The following PATE1 variants were observed in gnomAD, a reference collection of about 807,000 sequenced individuals.
The protein encoded by PATE1 is prostate and testis expressed 1.
Under a neutral mutation model 13.1 loss-of-function variants are expected in PATE1, and 21 were observed. The ratio of observed to expected loss-of-function variants is 1.61; its 90% CI spans 1.14 to 2.31. The LOEUF is 2.31. Among genes scored for constraint, PATE1 ranks in the 30% most tolerant of loss-of-function variants. PATE1 has a pLI of 0.00. For synonymous variants in PATE1, 52 were observed against 47.1 expected (o/e 1.10, Z -0.43); for missense variants, 166 against 147.2 (o/e 1.13, Z -0.66).
chr11:125,748,848 T>C lies in PATE1; in HGVS notation c.*115T>C, dbSNP rs1243486473. The C allele has an allele frequency of 8.5e-6, 11 of 1,295,088 alleles. No homozygotes were observed. The African/African-American group carries it at 1.5e-4, about 18-fold the overall frequency. The allele number at this position is 1,295,088 out of a possible 1,614,324, so 80.2% of individuals were successfully genotyped here. On this transcript the variant is annotated 3_prime_UTR_variant, in exon 5 of 5. Transcript: ENST00000305738. The stretch of plus-strand genomic sequence containing the variant: ...CACACACACACACTACAGAAGAGGA[T>C]TGCAAACACATGGCTCCATCTTCTG...
intron 4 of PATE1, 80 bp from the exon 5 acceptor site, chr11:125,748,520 G>A (rs759141420): frequency 1.2e-5 from 17 of 1,475,786 alleles, no homozygotes; most frequent in Non-Finnish European, 1.3e-5. Flanking sequence ...ATTTCTATAT[G>A]TTGGTGTGGT....
Position 125,748,550 on chromosome 11 carries a change from C to A in PATE1, c.248-50C>A. 3 of 1,589,520 alleles carry A rather than the reference C, an allele frequency of 1.9e-6. 1 individual carries two copies. The highest frequency in any genetic ancestry group is 2.6e-6 in the Non-Finnish European group (3 of 1,170,222). ...TGTGGTCTGGAGAAAAGTTTTTTAGCAGAACTTTCATGGCCAGGCTTCCTG... is the reference window on the plus strand; with the variant it reads ...TGTGGTCTGGAGAAAAGTTTTTTAGAAGAACTTTCATGGCCAGGCTTCCTG... On this transcript the variant is annotated intron_variant, in intron 4 of 4. Coordinates refer to ENST00000305738, the MANE Select transcript of PATE1 (RefSeq NM_138294.3).
rs545824651 is a variant in PATE1, at chr11:125,746,281, A to C, written c.-24A>C. The C allele has an allele frequency of 6.2e-7, 1 of 1,612,822 alleles. No homozygotes were observed. Among genetic ancestry groups the C allele is most frequent in the African/African-American group, 1.3e-5 (1 of 75,020 alleles). On this transcript the variant is annotated 5_prime_UTR_variant, in exon 1 of 5. Coordinates refer to ENST00000305738, the MANE Select transcript of PATE1 (RefSeq NM_138294.3). ...AGGCACTCTCGAAGCTTCGTGCTGT[A>C]GCCTGGCCCTCCCTCTTTCCAAAAT... is the stretch of plus-strand genomic sequence containing the variant.
chr11:125,747,277 G>A, intron 2 of PATE1, 99 bp from the exon 3 acceptor site: 1 of 1,091,840 alleles, frequency 9.2e-7, no homozygotes, highest in Non-Finnish European at 1.4e-6. Context: ...TCCAGTTTAA[G>A]AGTGCAGGAT....
At chr11:125,746,540 CT>C in intron 1 of PATE1, 120 bp from the exon 2 acceptor site, 1 of 1,386,746 alleles carries the variant, frequency 7.2e-7, no homozygotes, top group Non-Finnish European at 1.0e-6. Context: ...GCTCTTCTCC[CT>C]TCCTTTATGG....
At chr11:125,747,480 CCT>C (rs1382796367) in intron 3 of PATE1, 69 bp downstream of exon 3, 3 of 1,373,162 alleles carry the variant, frequency 2.2e-6, no homozygotes, top group Non-Finnish European at 2.9e-6. Flanking sequence ...TATTCCTCCA[CCT>C]TTCTTTCCCC....
chr11:125,746,575 G>T (rs1425393969), intron 1 of PATE1, 86 bp from the exon 2 acceptor site: 3 of 1,511,210 alleles, frequency 2.0e-6, no homozygotes, highest in South Asian at 1.1e-5. Flanking sequence ...GATTAGAGAG[G>T]AATTGAGTGG....
Position 125,747,419 on chromosome 11 carries a change from TGAA to T in PATE1, c.124+11_124+13del. Reference sequence around the variant, plus strand: ...TGAAAAACAATTTTCCTGGTAAGTATGAAGAGGACCTGTCTGATCACCTCAGTC... The same window carrying T: ...TGAAAAACAATTTTCCTGGTAAGTATGAGGACCTGTCTGATCACCTCAGTC... On this transcript the variant is annotated intron_variant, in intron 3 of 4. Coordinates refer to ENST00000305738, the MANE Select transcript of PATE1 (RefSeq NM_138294.3). 1 of 1,610,846 alleles carries T rather than the reference TGAA, an allele frequency of 6.2e-7. No homozygotes were observed. Among genetic ancestry groups the T allele is most frequent in the Admixed American group, 1.7e-5 (1 of 60,014 alleles).
At chr11:125,746,953 G>A (rs1483842149) in intron 2 of PATE1, among the ~76,000 whole-genome samples, 1 of 152,162 alleles carries the variant, frequency 6.6e-6, no homozygotes, top group Non-Finnish European at 1.5e-5. Flanking sequence ...GGAGGAAGTG[G>A]AATGCTGGCT....
chr11:125,746,405 G>A (rs755109159), intron 1 of PATE1, 49 bp downstream of exon 1: 1 of 1,587,504 alleles, frequency 6.3e-7, no homozygotes, highest in South Asian at 1.1e-5. Flanking sequence ...TTTAGGAACA[G>A]GTGAGAGCAC....
Position 125,748,692 on chromosome 11 carries a change from A to G in PATE1, c.340A>G (p.Arg114Gly), listed in dbSNP as rs1445977460. The G allele has an allele frequency of 6.2e-7, 1 of 1,613,914 alleles. No homozygotes were observed. Among genetic ancestry groups the G allele is most frequent in the South Asian group, 1.1e-5 (1 of 91,072 alleles). The change falls in exon 5 of 5, where the codon AGG (arginine) becomes GGG (glycine). Residue 114 changes from arginine (R) to glycine (G), a missense_variant. By Grantham distance (125) the Arg-to-Gly change is moderately radical. Coordinates refer to ENST00000305738, the MANE Select transcript of PATE1 (RefSeq NM_138294.3). ...IRWSVYLVNF[R>G]CCRSHDLCNE... ...GTGGAGTGTCTATTTGGTGAACTTC[A>G]GGTGCTGCAGGAGCCATGACCTGTG...
At chr11:125,746,439 G>A in intron 1 of PATE1, 83 bp downstream of exon 1, 2 of 1,468,608 alleles carry the variant, frequency 1.4e-6, no homozygotes, top group Admixed American at 1.7e-5. Context: ...CTTCTCATGG[G>A]AGTCCTATGG....
Position 125,748,645 on chromosome 11 carries a change from G to A in PATE1, c.293G>A (p.Cys98Tyr), listed in dbSNP as rs1403999310. Residue 98 changes from cysteine to tyrosine, a missense_variant, in exon 5 of 5, where the codon TGT becomes TAT. Physicochemically the swap from Cys to Tyr is radical, Grantham distance 194. Coordinates refer to ENST00000305738, the MANE Select transcript of PATE1 (RefSeq NM_138294.3). Reference sequence around the variant, plus strand: ...ACCTTCATGGGCTGCCTAAAGAACTGTGCTGATGTGAAAGGCATAAGGTGG... The same window carrying A: ...ACCTTCATGGGCTGCCTAAAGAACTATGCTGATGTGAAAGGCATAAGGTGG... ...WLTFMGCLKN[C>Y]ADVKGIRWSV... The A allele has an allele frequency of 6.2e-7, 1 of 1,613,934 alleles. No individual in the cohort carries two copies. The highest frequency in any genetic ancestry group is 1.7e-5 in the Admixed American group (1 of 59,986).
intron 4 of PATE1, 133 bp from the exon 5 acceptor site, chr11:125,748,467 G>A (rs1372774272): frequency 8.8e-7 from 1 of 1,141,312 alleles, no homozygotes; most frequent in Non-Finnish European, 1.2e-6. Context: ...ACATCTTCCA[G>A]TTCTTTACAT....
chr11:125,748,856 A>G lies in PATE1; in HGVS notation c.*123A>G. 2 of 1,230,220 alleles carry G rather than the reference A, an allele frequency of 1.6e-6. No individual in the cohort carries two copies. The highest frequency in any genetic ancestry group is 2.4e-5 in the Admixed American group (1 of 41,356). The allele number at this position is 1,230,220 out of a possible 1,614,324, so 76.2% of individuals were successfully genotyped here. On this transcript the variant is annotated 3_prime_UTR_variant, in exon 5 of 5. Transcript: ENST00000305738. The stretch of plus-strand genomic sequence containing the variant: ...CACACTACAGAAGAGGATTGCAAAC[A>G]CATGGCTCCATCTTCTGCACACGAA...
intron 1 of PATE1, 111 bp from the exon 2 acceptor site, chr11:125,746,550 G>T (rs1260917328): frequency 2.1e-6 from 3 of 1,419,354 alleles, no homozygotes; most frequent in African/African-American, 1.4e-5. Flanking sequence ...CTTCCTTTAT[G>T]GGGGGAAATA....
In PATE1 at chr11:125,746,461, T is replaced by C. The variant is rs1259582972; in HGVS notation, c.52+105T>C. ...TGGGAGTCCTATGGCAACTGAAGCA[T>C]GATGAGCTTCTGTTCTAATGTTATG... On this transcript the variant is annotated intron_variant, in intron 1 of 4. Coordinates refer to ENST00000305738, the MANE Select transcript of PATE1 (RefSeq NM_138294.3). The C allele has an allele frequency of 6.5e-6, 9 of 1,378,798 alleles. No individual in the cohort carries two copies. In the East Asian group the frequency reaches 9.2e-5, roughly 14 times the overall value. The allele number at this position is 1,378,798 out of a possible 1,614,324, so 85.4% of individuals were successfully genotyped here. A position where few individuals can be genotyped will look rare whatever the true frequency, so the allele number is the denominator to read the frequency against.
At chr11:125,747,270 A>T in intron 2 of PATE1, 106 bp from the exon 3 acceptor site, 2 of 1,001,960 alleles carry the variant, frequency 2.0e-6, no homozygotes, top group Non-Finnish European at 3.0e-6. Context: ...GAATGGCTCC[A>T]GTTTAAGAGT....
chr11:125,747,593 G>A (rs557712219), intron 3 of PATE1, 107 bp from the exon 4 acceptor site: 1 of 1,521,478 alleles, frequency 6.6e-7, no homozygotes, highest in East Asian at 2.3e-5. Context: ...GATGGGCTCT[G>A]GCAAAGCCCT....
Sources: gnomAD v4.1 joint callset for allele counts (sites outside exome capture counted in the v4.1 genomes callset) on GRCh38, gnomAD v4.1.1 for gene constraint, MANE v1.5 for transcripts, NCBI Gene and HGNC (gene_info 2026-07-23, HGNC 2026-07-21) for gene names.